ACTR3B: variants seen among roughly 807,000 people sequenced by gnomAD.
ACTR3B encodes the protein actin related protein 3B.
ACTR3B carries 8 observed loss-of-function variants against 59.0 expected under a neutral mutation model. The observed-to-expected ratio is 0.14, with a 90% CI of 0.08 to 0.24. The LOEUF is 0.24. Ranked by LOEUF, ACTR3B falls within the 10% of genes least tolerant of loss-of-function variation. The pLI is 1.00. For missense variants in ACTR3B, 245 were observed against 552.3 expected (o/e 0.44, Z 5.58); for synonymous variants, 148 against 197.9 (o/e 0.75, Z 2.12).
chr7:152,821,641 A>G (rs148969460), intron 7 of ACTR3B, among the ~76,000 whole-genome samples: 20,174 of 151,870 alleles, frequency 0.13, 1,047 homozygotes, highest in African/African-American at 0.26. Context: ...TGGGGTTCCA[A>G]TTTGGACCCT....
intron 7 of ACTR3B, 39 bp from the exon 8 acceptor site, chr7:152,823,303 G>A (rs151055592): frequency 0.034 from 53,884 of 1,605,046 alleles, 907 homozygotes; most frequent in East Asian, 0.052. Flanking sequence ...ACACTGGGCA[G>A]TTGTTAATGC....
In ACTR3B at chr7:152,824,295, A is replaced by C. The variant is rs1375815374; in HGVS notation, c.859-735A>C. 6.6e-6 allele frequency among the ~76,000 whole-genome samples: 1 copy of C among 152,220 alleles called. No homozygotes were observed. Among genetic ancestry groups the C allele is most frequent in the African/African-American group, 2.4e-5 (1 of 41,442 alleles). ...ATAAAATAATAATGATAATCTAGTG[A>C]ATGCTCACTTTTAATATGTTGATTT... On this transcript the variant is annotated intron_variant, in intron 8 of 11. Transcript: ENST00000256001. This position sits in a 1 kb window ranked among gnomAD's most constrained non-coding sequence, Gnocchi z 4.2.
In ACTR3B at chr7:152,796,889, T is replaced by G. The variant is rs1274141521; in HGVS notation, c.101-3642T>G. Among the ~76,000 whole-genome samples, 39 of 131,864 alleles carry G rather than the reference T, an allele frequency of 3.0e-4. 3 individuals are homozygous for G. The highest frequency in any genetic ancestry group is 3.6e-3 in the Middle Eastern group (1 of 274). 86.5% of individuals were successfully genotyped at this position (131,864 alleles called of 152,430 possible). A position where few individuals can be genotyped will look rare whatever the true frequency, so the allele number is the denominator to read the frequency against. ...TTTTTTTTTTTTTTTTTTTTTTTTT[T>G]TTTTTTTTTGTAGAGACGGGTTTTC... On this transcript the variant is annotated intron_variant, in intron 2 of 11. Coordinates refer to ENST00000256001, the MANE Select transcript of ACTR3B (RefSeq NM_020445.6).
chr7:152,818,780 G>A (rs1231131905), intron 6 of ACTR3B, among the ~76,000 whole-genome samples: 9 of 151,870 alleles, frequency 5.9e-5, no homozygotes, highest in Non-Finnish European at 1.2e-4. Flanking sequence ...GTGTGCTCAC[G>A]CATGCGTGCA....
At chr7:152,835,670 C>T (rs950805288) in intron 9 of ACTR3B, among the ~76,000 whole-genome samples, 36 of 152,156 alleles carry the variant, frequency 2.4e-4, no homozygotes, top group African/African-American at 7.0e-4. Flanking sequence ...GAATAAATGC[C>T]GTCTTCTAGT....
chr7:152,854,324 A>C lies in ACTR3B; in HGVS notation c.1162-134A>C. ...TAGTAGTTTAGTACATCAGAGAGGT[A>C]AAATCTTGCAGCAGCGGTCCTGGGA... On this transcript the variant is annotated intron_variant, in intron 11 of 11. Transcript: ENST00000256001. This position sits in a 1 kb window ranked among gnomAD's most constrained non-coding sequence, Gnocchi z 4.9. 2.7e-6 allele frequency: 2 copies of C among 741,894 alleles called. No homozygotes were observed. Among genetic ancestry groups the C allele is most frequent in the Non-Finnish European group, 2.3e-6 (1 of 429,388 alleles). The allele number at this position is 741,894 out of a possible 1,614,324, so 46.0% of individuals were successfully genotyped here. A position where few individuals can be genotyped will look rare whatever the true frequency, so the allele number is the denominator to read the frequency against.
At chr7:152,809,428 C>G (rs2098262443) in intron 4 of ACTR3B, among the ~76,000 whole-genome samples, 1 of 152,168 alleles carries the variant, frequency 6.6e-6, no homozygotes, top group Admixed American at 6.5e-5. Context: ...TCGCCTCTTT[C>G]CTGCCTAGAG....
Position 152,830,722 on chromosome 7 carries a change from A to AT in ACTR3B, c.951+5609dup, listed in dbSNP as rs1241094415. ...GGCGACCACTTGCAGCTAATTAAAA[A>AT]TTTTTTTTTGTAGAGTTGAGGTCTT... On this transcript the variant is annotated intron_variant, in intron 9 of 11. Coordinates refer to ENST00000256001, the MANE Select transcript of ACTR3B (RefSeq NM_020445.6). 3.3e-5 allele frequency among the ~76,000 whole-genome samples: 5 copies of AT among 150,884 alleles called. No individual in the cohort carries two copies. The East Asian group carries it at 5.9e-4, about 18-fold the overall frequency.
At chr7:152,830,987 G>A (rs1490410337) in intron 9 of ACTR3B, among the ~76,000 whole-genome samples, 1 of 152,204 alleles carries the variant, frequency 6.6e-6, no homozygotes, top group Non-Finnish European at 1.5e-5. Context: ...TGGTTGAAGT[G>A]TAATATTTGA....
intron 10 of ACTR3B, among the ~76,000 whole-genome samples, chr7:152,853,163 C>T (rs571170238): frequency 2.0e-5 from 3 of 151,448 alleles, no homozygotes; most frequent in African/African-American, 7.3e-5. Flanking sequence ...AGTGCCAGAA[C>T]ATCTGATATG....
chr7:152,801,529 C>A lies in ACTR3B; in HGVS notation c.226-92C>A, dbSNP rs1008767038. 4.5e-5 allele frequency: 70 copies of A among 1,546,200 alleles called. No individual in the cohort carries two copies. The Admixed American group carries it at 1.4e-3, about 30-fold the overall frequency. On this transcript the variant is annotated intron_variant, in intron 3 of 11. Transcript: ENST00000256001. ...CTGCAATAAGAAGGATACCTTTATT[C>A]TTAATAACACAGTTTCTTCTGTGCC...
chr7:152,782,185 A>T (rs2098156265), intron 1 of ACTR3B, among the ~76,000 whole-genome samples: 1 of 151,442 alleles, frequency 6.6e-6, no homozygotes, highest in African/African-American at 2.4e-5. Context: ...AAGCATATTG[A>T]AATAATTTTT....
intron 2 of ACTR3B, among the ~76,000 whole-genome samples, chr7:152,785,493 CAGAGAG>C (rs1194127436): frequency 1.4e-4 from 8 of 58,676 alleles, no homozygotes; most frequent in Admixed American, 3.9e-4. Flanking sequence ...GAGAGAGAGA[CAGAGAG>C]AGAGAGAGAG....
rs1382414795 is a variant in ACTR3B at position 152,854,358 on chromosome 7, G to A, written c.1162-100G>A. On this transcript the variant is annotated intron_variant, in intron 11 of 11. Transcript: ENST00000256001. The surrounding 1 kb of genome is among the most constrained non-coding windows in gnomAD (Gnocchi z 4.9). Reference sequence around the variant, plus strand: ...CAGCAGCGGTCCTGGGAGGGAGGGTGGAGGCCGGGATGAGGAGAGTGTCTT... The same window carrying A: ...CAGCAGCGGTCCTGGGAGGGAGGGTAGAGGCCGGGATGAGGAGAGTGTCTT... The A allele has an allele frequency of 1.9e-6, 2 of 1,041,166 alleles. No homozygotes were observed. The highest frequency in any genetic ancestry group is 3.0e-6 in the Non-Finnish European group (2 of 669,900). The allele number at this position is 1,041,166 out of a possible 1,614,324, so 64.5% of individuals were successfully genotyped here. A position where few individuals can be genotyped will look rare whatever the true frequency, so the allele number is the denominator to read the frequency against.
chr7:152,799,988 CT>C (rs1194527873), intron 2 of ACTR3B, among the ~76,000 whole-genome samples: 5 of 152,184 alleles, frequency 3.3e-5, no homozygotes, highest in Non-Finnish European at 5.9e-5. Context: ...GATTATGGTA[CT>C]TTTTTTGGCT....
chr7:152,814,808 C>T (rs2116823778), intron 5 of ACTR3B, among the ~76,000 whole-genome samples, 163 bp downstream of exon 5: 1 of 152,228 alleles, frequency 6.6e-6, no homozygotes, highest in South Asian at 2.1e-4. Context: ...GGAACGTGTC[C>T]CATGACTTTT....
At chr7:152,836,342 A>G (rs923794238) in intron 9 of ACTR3B, among the ~76,000 whole-genome samples, 8 of 151,948 alleles carry the variant, frequency 5.3e-5, no homozygotes, top group African/African-American at 7.2e-5. Flanking sequence ...ACGCCTCTGT[A>G]ATCCCATCAC....
intron 9 of ACTR3B, among the ~76,000 whole-genome samples, chr7:152,849,035 T>TC (rs1798586930): frequency 6.6e-6 from 1 of 152,264 alleles, no homozygotes; most frequent in Middle Eastern, 3.4e-3. Context: ...CCTCATGGTC[T>TC]CCCTGTGGCG....
At chr7:152,779,749 T>C (rs1298128526) in intron 1 of ACTR3B, among the ~76,000 whole-genome samples, 1 of 152,196 alleles carries the variant, frequency 6.6e-6, no homozygotes, top group Non-Finnish European at 1.5e-5. Flanking sequence ...TTAGATGACA[T>C]CTACTGAGTT....
Sources: allele counts gnomAD v4.1 joint callset (sites outside exome capture counted in the v4.1 genomes callset), GRCh38; gene constraint gnomAD v4.1.1; non-coding constraint Gnocchi (gnomAD v3.1); transcripts MANE v1.5; gene names NCBI Gene and HGNC (gene_info 2026-07-23, HGNC 2026-07-21).